ZNF385D: variants seen among roughly 807,000 people sequenced by gnomAD.
ZNF385D encodes the protein zinc finger protein 385D.
A neutral mutation model predicts 35.8 loss-of-function variants in ZNF385D; 15 were observed. The observed-to-expected ratio is 0.42, with a 90% CI of 0.28 to 0.64. The LOEUF is 0.64. Ranked by LOEUF, ZNF385D falls within the 30% of genes least tolerant of loss-of-function variation. The probability of loss-of-function intolerance (pLI) is 0.23; values close to 1 mark genes in which losing one functional copy is unlikely to be tolerated. For synonymous variants in ZNF385D, 212 were observed against 186.8 expected, an observed-to-expected ratio of 1.13 and a Z score of -1.10; for missense variants, 474 against 494.6, an observed-to-expected ratio of 0.96 and a Z score of 0.39.
chr3:21,477,366 G>A (rs1704321873), intron 4 of ZNF385D, among the ~76,000 whole-genome samples: 1 of 152,130 alleles, frequency 6.6e-6, no homozygotes, highest in Non-Finnish European at 1.5e-5. Context: ...GATGGAAGCT[G>A]CCTTGAGCTG....
chr3:21,979,511 C>T, intron 3 of ZNF385D: 1 of 152,094 alleles, frequency 6.6e-6, no homozygotes, highest in East Asian at 1.9e-4. Flanking sequence ...AATTGTGGGG[C>T]TAGTTTTTTA....
intron 4 of ZNF385D, among the ~76,000 whole-genome samples, chr3:21,463,961 G>GT (rs1422399871): frequency 6.6e-6 from 1 of 151,816 alleles, no homozygotes; most frequent in Non-Finnish European, 1.5e-5. Flanking sequence ...ATAGGAGGCT[G>GT]TATCACACAT....
chr3:21,437,851 A>G (rs1308197482), intron 4 of ZNF385D, among the ~76,000 whole-genome samples: 3 of 152,190 alleles, frequency 2.0e-5, no homozygotes, highest in Non-Finnish European at 2.9e-5. Flanking sequence ...AGACTAGTCT[A>G]GCATATCTAT....
chr3:21,580,984 C>T (rs2063641612), intron 2 of ZNF385D, among the ~76,000 whole-genome samples: 1 of 152,096 alleles, frequency 6.6e-6, no homozygotes, highest in Non-Finnish European at 1.5e-5. Flanking sequence ...TCTCCTGGCA[C>T]TGAAGTATTC....
At chr3:22,094,976 T>C (rs895103546) in intron 3 of ZNF385D, among the ~76,000 whole-genome samples, 8 of 152,102 alleles carry the variant, frequency 5.3e-5, no homozygotes, top group Middle Eastern at 3.4e-3. Context: ...CTCATGATCA[T>C]AGCTCACTGT....
intron 4 of ZNF385D, among the ~76,000 whole-genome samples, chr3:21,507,105 T>G (rs1013989135): frequency 2.3e-4 from 35 of 152,290 alleles, no homozygotes; most frequent in African/African-American, 7.2e-4. Context: ...CTTGAAAATT[T>G]AAGAGGAATT....
intron 3 of ZNF385D, among the ~76,000 whole-genome samples, chr3:21,766,682 A>G (rs62236240): frequency 0.17 from 26,294 of 152,104 alleles, 2,770 homozygotes; most frequent in Non-Finnish European, 0.23. Flanking sequence ...TAAATAAGGA[A>G]GGTCAAGAAG....
At chr3:22,327,412 T>C (rs184839541) in intron 2 of ZNF385D, among the ~76,000 whole-genome samples, 5 of 152,148 alleles carry the variant, frequency 3.3e-5, no homozygotes, top group South Asian at 2.1e-4. Flanking sequence ...CTAAGTTCCA[T>C]GGGCCTACAT....
At chr3:22,140,667 C>T (rs1338390241) in intron 3 of ZNF385D, among the ~76,000 whole-genome samples, 2 of 152,130 alleles carry the variant, frequency 1.3e-5, no homozygotes, top group Non-Finnish European at 2.9e-5. Flanking sequence ...GTGAAGGGTA[C>T]ATGAAAACTC....
At chr3:21,607,615 T>A (rs560789753) in intron 2 of ZNF385D, among the ~76,000 whole-genome samples, 1 of 152,272 alleles carries the variant, frequency 6.6e-6, no homozygotes, top group Non-Finnish European at 1.5e-5. Flanking sequence ...TGAAGAGACC[T>A]CACCAGTGTC....
intron 3 of ZNF385D, among the ~76,000 whole-genome samples, chr3:22,050,593 T>A (rs2125527593): frequency 6.6e-6 from 1 of 152,330 alleles, no homozygotes; most frequent in East Asian, 1.9e-4. Flanking sequence ...TTGAACATTG[T>A]TTTCTAGGTT....
chr3:22,067,088 ATTAGTTAG>A, intron 3 of ZNF385D, among the ~76,000 whole-genome samples: 1 of 152,320 alleles, frequency 6.6e-6, no homozygotes, highest in Non-Finnish European at 1.5e-5. Flanking sequence ...TCCAATTTAC[ATTAGTTAG>A]AAGCTGTTAA....
chr3:21,452,721 T>C (rs912104456), intron 4 of ZNF385D, among the ~76,000 whole-genome samples: 4 of 151,890 alleles, frequency 2.6e-5, no homozygotes, highest in African/African-American at 4.8e-5. Flanking sequence ...CCTAAGTAAA[T>C]GGAAAGGCAG....
chr3:22,064,525 G>A (rs1699835518), intron 3 of ZNF385D, among the ~76,000 whole-genome samples: 1 of 152,170 alleles, frequency 6.6e-6, no homozygotes, highest in South Asian at 2.1e-4. Context: ...AACTAAGATA[G>A]GAAAGCAATC....
chr3:22,165,600 T>C (rs568603662), intron 3 of ZNF385D, among the ~76,000 whole-genome samples: 1 of 152,342 alleles, frequency 6.6e-6, no homozygotes, highest in South Asian at 2.1e-4. Context: ...TGAAATAAAT[T>C]AGGTTTGCTT....
intron 4 of ZNF385D, among the ~76,000 whole-genome samples, chr3:21,447,950 A>G (rs1027886279): frequency 2.1e-4 from 32 of 152,176 alleles, no homozygotes; most frequent in African/African-American, 7.5e-4. Flanking sequence ...TAAAATATTG[A>G]GTATGGAAAT....
At position 22,067,250 on chromosome 3, in the gene ZNF385D, A is replaced by T. The variant is rs150511634; in HGVS notation, c.325+101567T>A. Among the ~76,000 whole-genome samples the T allele has an allele frequency of 8.1e-3, 1,236 of 152,324 alleles. 22 individuals carry two copies. Among genetic ancestry groups the T allele is most frequent in the African/African-American group, 0.028 (1,144 of 41,578 alleles). On this transcript the variant is annotated intron_variant, in intron 3 of 5. Transcript: ENST00000494108. ...TTTCTTTTCTTTTATGACTGGAGAC[A>T]TTAAGGGCAACCTGTCATCTCTGTA...
chr3:22,325,907 A>G (rs910055493), intron 2 of ZNF385D, among the ~76,000 whole-genome samples: 2 of 152,152 alleles, frequency 1.3e-5, no homozygotes, highest in Non-Finnish European at 2.9e-5. Flanking sequence ...TTTAGTATAT[A>G]AAATACAGGG....
intron 3 of ZNF385D, among the ~76,000 whole-genome samples, chr3:21,912,117 A>G (rs58419497): frequency 1.1e-3 from 162 of 152,004 alleles, no homozygotes; most frequent in African/African-American, 3.6e-3. Flanking sequence ...CAAAATTCTT[A>G]TTTTGCCATC....
Sources: gnomAD v4.1 joint callset for allele counts (sites outside exome capture counted in the v4.1 genomes callset) on GRCh38, gnomAD v4.1.1 for gene constraint, MANE v1.5 for transcripts, NCBI Gene and HGNC (gene_info 2026-07-23, HGNC 2026-07-21) for gene names.